Variants in SULF2 observed in about 807,000 individuals in gnomAD.
The protein encoded by SULF2 is extracellular sulfatase Sulf-2.
Under a neutral mutation model 107.7 loss-of-function variants are expected in SULF2, and 52 were observed. The ratio of observed to expected loss-of-function variants is 0.48; its 90% confidence interval spans 0.39 to 0.61. The LOEUF is 0.61. Ranked by LOEUF, SULF2 falls within the 20% of genes least tolerant of loss-of-function variation. The pLI, the probability that SULF2 is intolerant of heterozygous loss-of-function variation, is 0.00. For missense variants in SULF2, 993 were observed against 1,177.3 expected, an observed-to-expected ratio of 0.84 and a Z score of 2.29; for synonymous variants, 460 against 464.3, an observed-to-expected ratio of 0.99 and a Z score of 0.12.
intron 3 of SULF2, among the ~76,000 whole-genome samples, chr20:47,712,541 A>G (rs1427627076): frequency 6.6e-6 from 1 of 152,196 alleles, no homozygotes; most frequent in Admixed American, 6.5e-5. Flanking sequence ...TCCGTAAGGC[A>G]GGAGCCGTGC....
chr20:47,663,331 C>T (rs1040719481), intron 16 of SULF2, 119 bp from the exon 17 acceptor site: 20 of 1,575,288 alleles, frequency 1.3e-5, no homozygotes, highest in East Asian at 4.5e-5. Flanking sequence ...GAGGCTGTCC[C>T]GAGCACCGTG....
At position 47,690,195 on chromosome 20, in the gene SULF2, G is replaced by A; in HGVS notation, c.668C>T (p.Ala223Val). The A allele has an allele frequency of 3.2e-6, 5 of 1,569,914 alleles. No individual in the cohort carries two copies. The highest frequency in any genetic ancestry group is 1.8e-5 in the Admixed American group (1 of 55,758). The change falls in exon 5 of 21, where the codon GCA becomes GTA. Residue 223 changes from alanine (A) to valine (V), a missense_variant. Transcript: ENST00000688720. Reference protein sequence around the residue: ...HRPVLMVISHAAPHGPEDSAP... With the variant: ...HRPVLMVISHVAPHGPEDSAP... ...TGAATCCTCAGGGCCGTGGGGGGCT[G>A]CATGGCTGATGACCATGAGGACTGG...
rs979354726 is a variant in SULF2 at position 47,698,102 on chromosome 20, A to G, written c.567+4417T>C. On this transcript the variant is annotated intron_variant, in intron 4 of 20. Transcript: ENST00000688720. Reference sequence around the variant, plus strand: ...GCTTCTGCCACTTGGGCCTGGACCCATCAGACTTACAGGGAGCCCAGGATG... The same window carrying G: ...GCTTCTGCCACTTGGGCCTGGACCCGTCAGACTTACAGGGAGCCCAGGATG... 5.3e-5 allele frequency among the ~76,000 whole-genome samples: 8 copies of G among 152,262 alleles called. 1 individual carries two copies. Among genetic ancestry groups the G allele is most frequent in the Admixed American group, 5.2e-4 (8 of 15,294 alleles).
At chr20:47,727,316 G>A (rs941389748) in intron 3 of SULF2, among the ~76,000 whole-genome samples, 3 of 152,150 alleles carry the variant, frequency 2.0e-5, no homozygotes, top group South Asian at 2.1e-4. Context: ...GGAGGAGGCC[G>A]CATGAAGATG....
chr20:47,668,935 A>C (rs1362065691), intron 11 of SULF2, among the ~76,000 whole-genome samples: 1 of 152,070 alleles, frequency 6.6e-6, no homozygotes, highest in African/African-American at 2.4e-5. Context: ...CCTCCTCAGA[A>C]CACTTGCTCT....
chr20:47,761,560 T>G (rs2146929455), intron 1 of SULF2, among the ~76,000 whole-genome samples: 1 of 152,338 alleles, frequency 6.6e-6, no homozygotes, highest in South Asian at 2.1e-4. Flanking sequence ...CAAAGAAAGC[T>G]GAATCAGTGG....
Position 47,672,363 on chromosome 20 carries a change from T to C in SULF2, c.1411A>G (p.Lys471Glu), listed in dbSNP as rs1189517509. The C allele has an allele frequency of 1.9e-6, 3 of 1,611,948 alleles. No homozygotes were observed. Among genetic ancestry groups the C allele is most frequent in the Non-Finnish European group, 2.5e-6 (3 of 1,179,700 alleles). The change falls in exon 11 of 21, where the codon AAG becomes GAG. Residue 471 changes from lysine (K) to glutamate (E), a missense_variant. Lys to Glu is a moderately conservative substitution (Grantham distance 56). This residue lies in a region of SULF2 where 497 missense variants were observed against 544.1 expected (regional missense o/e 0.91). Coordinates refer to ENST00000688720, the MANE Select transcript of SULF2 (RefSeq NM_001387048.1). ...CCCTTGCACTTATGCAGCTTCAGCT[T>C]CCCCGTGGCGTCCTCCACACACTGC... The part of the protein sequence containing the change: ...KWQCVEDATG[K>E]LKLHKCKGPM...
At chr20:47,713,761 A>AT (rs35386331) in intron 3 of SULF2, among the ~76,000 whole-genome samples, 124,764 of 151,212 alleles carry the variant, frequency 0.83, 52,839 homozygotes, top group Non-Finnish European at 0.93. Flanking sequence ...GAAAAAAAAA[A>AT]AATAATAAAA....
chr20:47,697,930 G>A (rs2146576626), intron 4 of SULF2, among the ~76,000 whole-genome samples: 1 of 152,358 alleles, frequency 6.6e-6, no homozygotes, highest in African/African-American at 2.4e-5. Flanking sequence ...GCTGGGAGGA[G>A]GGAAACAGCG....
intron 11 of SULF2, 23 bp downstream of exon 11, chr20:47,672,175 C>A: frequency 6.3e-7 from 1 of 1,585,470 alleles, no homozygotes; most frequent in Non-Finnish European, 8.6e-7. Flanking sequence ...TCCTGTCCCA[C>A]TCAGCCAGGT....
chr20:47,660,153 G>A (rs1244409132), intron 18 of SULF2, among the ~76,000 whole-genome samples: 1 of 152,186 alleles, frequency 6.6e-6, no homozygotes, highest in Non-Finnish European at 1.5e-5. Flanking sequence ...GGGCTCCGGG[G>A]TCAGCCCACC....
At position 47,785,341 on chromosome 20, in the gene SULF2, A is replaced by C. The variant is rs2090906875; in HGVS notation, c.-101+2T>G. 2 of 37,576 alleles carry C rather than the reference A, an allele frequency of 5.3e-5. No homozygotes were observed. The allele number at this position is 37,576 out of a possible 1,614,324, so 2.3% of individuals were successfully genotyped here. A position where few individuals can be genotyped will look rare whatever the true frequency, so the allele number is the denominator to read the frequency against. On this transcript the variant is annotated splice_donor_variant, in intron 1 of 20. Transcript: ENST00000688720. LOFTEE classifies it low-confidence loss of function (5UTR_SPLICE). ...CCCACCTGCCCCCCACGCCCCACTC[A>C]CCAGCGCGCACGGCCCCGGCAACCT...
intron 1 of SULF2, among the ~76,000 whole-genome samples, chr20:47,765,000 G>C (rs926064736): frequency 6.6e-6 from 1 of 152,100 alleles, no homozygotes; most frequent in African/African-American, 2.4e-5. Context: ...CATGGGTGCT[G>C]AATACTGTCC....
At chr20:47,740,059 C>T (rs2089841198) in intron 2 of SULF2, among the ~76,000 whole-genome samples, 1 of 152,196 alleles carries the variant, frequency 6.6e-6, no homozygotes, top group African/African-American at 2.4e-5. Flanking sequence ...TGAGAGCACT[C>T]CAACTTATTC....
At chr20:47,689,983 C>G (rs2088140719) in intron 5 of SULF2, 143 bp downstream of exon 5, 2 of 803,724 alleles carry the variant, frequency 2.5e-6, no homozygotes, top group Non-Finnish European at 3.4e-6. Context: ...CATGGACAAG[C>G]AGTATGTTCT....
chr20:47,770,395 G>A (rs572415065), intron 1 of SULF2, among the ~76,000 whole-genome samples: 2 of 152,232 alleles, frequency 1.3e-5, no homozygotes, highest in African/African-American at 4.8e-5. Flanking sequence ...TTCTGACTAT[G>A]TGAGGGGAAC....
At chr20:47,659,495 C>T in intron 19 of SULF2, 43 bp from the exon 20 acceptor site, 2 of 1,604,278 alleles carry the variant, frequency 1.2e-6, no homozygotes, top group Non-Finnish European at 1.7e-6. Context: ...TTAACCATCA[C>T]CAAGAAAGAA....
In SULF2 at chr20:47,690,181, G is replaced by A; in HGVS notation, c.682C>T (p.Pro228Ser). The change falls in exon 5 of 21, where the codon CCT (proline) becomes TCT (serine). Residue 228 changes from proline to serine, a missense_variant. Pro to Ser is a moderately conservative substitution (Grantham distance 74). Around this residue, in one of 3 missense-constraint regions of SULF2, gnomAD observed 388 missense variants for 449.2 expected, o/e 0.86. Transcript: ENST00000688720. ...GAATATTGTGGGGCTGAATCCTCAG[G>A]GCCGTGGGGGGCTGCATGGCTGATG... The part of the protein sequence containing the change: ...MVISHAAPHG[P>S]EDSAPQYSRL... 6.4e-7 allele frequency: 1 copy of A among 1,563,760 alleles called. No individual in the cohort carries two copies. The highest frequency in any genetic ancestry group is 8.7e-7 in the Non-Finnish European group (1 of 1,151,226).
chr20:47,671,796 C>T (rs2087480108), intron 11 of SULF2, among the ~76,000 whole-genome samples: 1 of 152,068 alleles, frequency 6.6e-6, no homozygotes, highest in Non-Finnish European at 1.5e-5. Context: ...GTCACTGCAG[C>T]CTCTGCCTCC....
Sources: gnomAD v4.1 joint callset for allele counts (sites outside exome capture counted in the v4.1 genomes callset) on GRCh38, gnomAD v4.1.1 for gene constraint, gnomAD v4.1.1 regional missense constraint, MANE v1.5 for transcripts, NCBI Gene and HGNC (gene_info 2026-07-23, HGNC 2026-07-21) for gene names.